ARIH2: variants seen among roughly 807,000 people sequenced by gnomAD.
ARIH2 encodes the protein ariadne RBR E3 ubiquitin protein ligase 2.
ARIH2 carries 12 observed loss-of-function variants against 79.8 expected under a neutral mutation model. The observed-to-expected ratio is 0.15, with a 90% CI of 0.10 to 0.24. The LOEUF (loss-of-function observed/expected upper bound fraction) is 0.24. Among genes scored for constraint, ARIH2 ranks in the 10% least tolerant of loss-of-function variants. ARIH2 has a pLI of 1.00. For synonymous variants in ARIH2, 224 were observed against 213.9 expected (o/e 1.05, Z -0.41); for missense variants, 301 against 618.3 (o/e 0.49, Z 5.44).
chr3:48,927,939 G>A lies in ARIH2; in HGVS notation c.255+126G>A, dbSNP rs1280369187. 3 of 1,159,174 alleles carry A rather than the reference G, an allele frequency of 2.6e-6. No individual in the cohort carries two copies. In the African/African-American group the frequency reaches 4.6e-5, roughly 18 times the overall value. 71.8% of individuals were successfully genotyped at this position (1,159,174 alleles called of 1,614,324 possible). ...AGCTTGAAACCAAATTTAAGTGTAT[G>A]TCAACATCATTTGGACATTTTGTTA... On this transcript the variant is annotated intron_variant, in intron 3 of 15. Transcript: ENST00000356401.
chr3:48,959,914 C>T (rs1283397315), intron 3 of ARIH2, among the ~76,000 whole-genome samples: 3 of 152,186 alleles, frequency 2.0e-5, no homozygotes, highest in Admixed American at 2.0e-4. Context: ...GTGACTTGAG[C>T]GCTAGAAGGA....
intron 4 of ARIH2, among the ~76,000 whole-genome samples, chr3:48,964,606 C>T (rs2091597014): frequency 1.3e-5 from 2 of 152,276 alleles, no homozygotes; most frequent in South Asian, 2.1e-4. Context: ...TAAGCCACTG[C>T]GCCTGGCCTA....
intron 12 of ARIH2, chr3:48,980,123 G>T (rs1282185122): frequency 1.0e-5 from 4 of 400,352 alleles, no homozygotes; most frequent in African/African-American, 4.1e-5. Flanking sequence ...AGTCCTCAGG[G>T]CTCGAGTCCT....
chr3:48,920,901 G>A (rs547142003), intron 1 of ARIH2, among the ~76,000 whole-genome samples: 1,749 of 65,480 alleles, frequency 0.027, 554 homozygotes, highest in African/African-American at 0.078. Flanking sequence ...AAAAAAAAAA[G>A]AAAGAAAAGA....
intron 3 of ARIH2, among the ~76,000 whole-genome samples, chr3:48,948,368 A>G (rs916031496): frequency 6.6e-6 from 1 of 152,020 alleles, no homozygotes; most frequent in African/African-American, 2.4e-5. Context: ...TCCCAGGTTC[A>G]AGCGATTCTC....
intron 11 of ARIH2, 107 bp from the exon 12 acceptor site, chr3:48,979,375 T>G: frequency 8.0e-7 from 1 of 1,256,832 alleles, no homozygotes. Context: ...GAAGTTGTGT[T>G]CAGGTGACCC....
intron 3 of ARIH2, among the ~76,000 whole-genome samples, chr3:48,932,403 A>G (rs1202908188): frequency 6.6e-6 from 1 of 152,218 alleles, no homozygotes; most frequent in Non-Finnish European, 1.5e-5. Flanking sequence ...AAGAAAACAA[A>G]GTTACCTTTT....
chr3:48,925,876 C>T (rs746954230), intron 2 of ARIH2, among the ~76,000 whole-genome samples: 5 of 151,894 alleles, frequency 3.3e-5, no homozygotes, highest in Admixed American at 1.3e-4. Flanking sequence ...CGCACCACCA[C>T]GTATAGCTAA....
chr3:48,919,445 T>G, intron 1 of ARIH2: 15 of 271,262 alleles, frequency 5.5e-5, no homozygotes, highest in Non-Finnish European at 8.4e-5. Context: ...GCGGCGCCCC[T>G]AGGGATGTGC....
chr3:48,960,901 T>G (rs969068220), intron 3 of ARIH2, among the ~76,000 whole-genome samples: 2 of 152,230 alleles, frequency 1.3e-5, no homozygotes, highest in Admixed American at 1.3e-4. Context: ...TTTTTACTAT[T>G]GTAAGTAATC....
Position 48,970,670 on chromosome 3 carries a change from C to A in ARIH2, c.736C>A (p.Arg246=). The A allele has an allele frequency of 6.2e-7, 1 of 1,613,992 alleles. No homozygotes were observed. The highest frequency in any genetic ancestry group is 8.5e-7 in the Non-Finnish European group (1 of 1,179,912). The change falls in exon 8 of 16, where the codon CGA becomes AGA. Residue 246 remains arginine, a synonymous_variant. Transcript: ENST00000356401. ...TCGGGTACAGGAGCCTAGAGCTCGC[C>A]GAGTACAGTGCAATCGGTGCAACGA... ...VIRVQEPRAR[R]VQCNRCNEVF... is the part of the protein sequence containing the mutation.
chr3:48,940,804 A>ATATATATAT (rs1164499319), intron 3 of ARIH2, among the ~76,000 whole-genome samples: 16 of 101,012 alleles, frequency 1.6e-4, no homozygotes, highest in African/African-American at 4.8e-4. Context: ...CAAAAAAAAA[A>ATATATATAT]AAAAATATAT....
intron 3 of ARIH2, among the ~76,000 whole-genome samples, chr3:48,941,554 C>T (rs1310936921): frequency 2.0e-5 from 3 of 150,466 alleles, no homozygotes; most frequent in Non-Finnish European, 3.0e-5. Flanking sequence ...ATCAAAGAGC[C>T]TTTTATGTTT....
chr3:48,927,124 C>G, intron 2 of ARIH2: 1 of 182,566 alleles, frequency 5.5e-6, no homozygotes, highest in Non-Finnish European at 1.2e-5. Context: ...TCTGGGCTGC[C>G]AGCTGTGGGG....
chr3:48,938,620 T>C (rs1006685401), intron 3 of ARIH2, among the ~76,000 whole-genome samples: 1 of 152,092 alleles, frequency 6.6e-6, no homozygotes, highest in African/African-American at 2.4e-5. Context: ...AGAGAGATTA[T>C]TAAAGGGGTT....
intron 3 of ARIH2, among the ~76,000 whole-genome samples, chr3:48,928,274 C>T (rs1158793892): frequency 1.3e-5 from 2 of 152,176 alleles, no homozygotes; most frequent in African/African-American, 4.8e-5. Context: ...TCATTTGTTT[C>T]ATGTACTGAT....
At chr3:48,940,589 C>T (rs141706246) in intron 3 of ARIH2, among the ~76,000 whole-genome samples, 1 of 151,830 alleles carries the variant, frequency 6.6e-6, no homozygotes, top group Non-Finnish European at 1.5e-5. Flanking sequence ...ATTAGTTCCA[C>T]CAGCCTGGCC....
intron 3 of ARIH2, among the ~76,000 whole-genome samples, chr3:48,949,336 T>C (rs1301502967): frequency 3.9e-5 from 6 of 152,166 alleles, no homozygotes; most frequent in Admixed American, 6.5e-5. Flanking sequence ...GCCAGGATGG[T>C]CTCTATCTCC....
At chr3:48,956,100 C>A (rs1007945361) in intron 3 of ARIH2, among the ~76,000 whole-genome samples, 1 of 151,668 alleles carries the variant, frequency 6.6e-6, no homozygotes. Context: ...AGTCTCCAAT[C>A]TTCTGTGTAC....
Sources: gnomAD v4.1 joint callset for allele counts (sites outside exome capture counted in the v4.1 genomes callset) on GRCh38, gnomAD v4.1.1 for gene constraint, MANE v1.5 for transcripts, NCBI Gene and HGNC (gene_info 2026-07-23, HGNC 2026-07-21) for gene names.